The following GADD45G variants were observed in gnomAD, a reference collection of about 807,000 sequenced individuals.
The protein encoded by GADD45G is growth arrest and DNA damage-inducible protein GADD45 gamma.
A neutral mutation model predicts 17.3 loss-of-function variants in GADD45G; 7 were observed. The ratio of observed to expected loss-of-function variants is 0.41; its 90% CI spans 0.23 to 0.76. GADD45G has a LOEUF of 0.76. Among genes scored for constraint, GADD45G ranks in the 30% least tolerant of loss-of-function variants. The pLI is 0.34. For missense variants in GADD45G, 149 were observed against 219.2 expected (o/e 0.68, Z 2.02); for synonymous variants, 93 against 94.9 (o/e 0.98, Z 0.12).
chr9:89,605,080 C>A lies in GADD45G; in HGVS notation c.-42C>A, dbSNP rs372539162. The A allele has an allele frequency of 2.1e-5, 33 of 1,559,680 alleles. No homozygotes were observed. The highest frequency in any genetic ancestry group is 2.7e-5 in the Non-Finnish European group (31 of 1,133,650). ...AGTGTGTTCGCCCGCGTCCCCTCCGCGCTCTCCGCTTGTGGATAACTAGCT... is the reference window on the plus strand; with the variant it reads ...AGTGTGTTCGCCCGCGTCCCCTCCGAGCTCTCCGCTTGTGGATAACTAGCT... On this transcript the variant is annotated 5_prime_UTR_variant, in exon 1 of 4. Transcript: ENST00000252506.
At position 89,605,531 on chromosome 9, in the gene GADD45G, C is replaced by A; in HGVS notation, c.153C>A (p.Asn51Lys). 6.4e-7 allele frequency: 1 copy of A among 1,562,782 alleles called. No individual in the cohort carries two copies. Among genetic ancestry groups the A allele is most frequent in the Non-Finnish European group, 8.7e-7 (1 of 1,151,826 alleles). Reference protein sequence around the residue: ...AGVYESAKVLNVDPDNVTFCV... With the variant: ...AGVYESAKVLKVDPDNVTFCV... The stretch of plus-strand genomic sequence containing the variant: ...TCTACGAGTCAGCCAAAGTCTTGAA[C>A]GTGTAAGTGTAGACGCGGCCCAGGC... The change falls in exon 2 of 4, where the codon AAC becomes AAA. Residue 51 changes from asparagine to lysine, a missense_variant and splice_region_variant. This residue lies in a region of GADD45G where 39 missense variants were observed against 99.9 expected (regional missense o/e 0.39). Coordinates refer to ENST00000252506, the MANE Select transcript of GADD45G (RefSeq NM_006705.4).
intron 2 of GADD45G, 53 bp from the exon 3 acceptor site, chr9:89,605,614 C>T: frequency 6.4e-7 from 1 of 1,566,756 alleles, no homozygotes; most frequent in Non-Finnish European, 8.7e-7. Flanking sequence ...GGGGTGGCGG[C>T]GGGAGAACTC....
Position 89,605,066 on chromosome 9 carries a change from C to G in GADD45G, c.-56C>G. The G allele has an allele frequency of 7.0e-7, 1 of 1,423,178 alleles. No individual in the cohort carries two copies. The highest frequency in any genetic ancestry group is 9.8e-7 in the Non-Finnish European group (1 of 1,016,644). The allele number at this position is 1,423,178 out of a possible 1,614,324, so 88.2% of individuals were successfully genotyped here. A position where few individuals can be genotyped will look rare whatever the true frequency, so the allele number is the denominator to read the frequency against. ...GAGCTCTGGCTGTCAGTGTGTTCGC[C>G]CGCGTCCCCTCCGCGCTCTCCGCTT... On this transcript the variant is annotated 5_prime_UTR_variant, in exon 1 of 4. Coordinates refer to ENST00000252506, the MANE Select transcript of GADD45G (RefSeq NM_006705.4).
At position 89,605,178 on chromosome 9, in the gene GADD45G, G is replaced by A; in HGVS notation, c.53+4G>A. 1.9e-6 allele frequency: 3 copies of A among 1,613,252 alleles called. No homozygotes were observed. The highest frequency in any genetic ancestry group is 2.5e-6 in the Non-Finnish European group (3 of 1,179,288). On this transcript the variant is annotated splice_donor_region_variant and intron_variant, in intron 1 of 3. Transcript: ENST00000252506. Reference sequence around the variant, plus strand: ...CAGTTCCGGAAAGCACAGCCAGGTGGGTTTCAGGGCGCTGAGAAAGCCGCT... The same window carrying A: ...CAGTTCCGGAAAGCACAGCCAGGTGAGTTTCAGGGCGCTGAGAAAGCCGCT...
chr9:89,605,371 GGCT>G, intron 1 of GADD45G, 58 bp from the exon 2 acceptor site: 1 of 1,291,260 alleles, frequency 7.7e-7, no homozygotes, highest in African/African-American at 1.5e-5. Context: ...CGGTGGCCGG[GGCT>G]GGGGTCTCCG....
Position 89,605,039 on chromosome 9 carries a change from C to G in GADD45G, c.-83C>G, listed in dbSNP as rs1451088639. The G allele has an allele frequency of 9.0e-7, 1 of 1,112,702 alleles. No homozygotes were observed. Among genetic ancestry groups the G allele is most frequent in the African/African-American group, 1.5e-5 (1 of 64,908 alleles). The allele number at this position is 1,112,702 out of a possible 1,614,324, so 68.9% of individuals were successfully genotyped here. Reference sequence around the variant, plus strand: ...ACTCGCTGGTGGTGGGCGCGCCGTGCTGAGCTCTGGCTGTCAGTGTGTTCG... The same window carrying G: ...ACTCGCTGGTGGTGGGCGCGCCGTGGTGAGCTCTGGCTGTCAGTGTGTTCG... On this transcript the variant is annotated 5_prime_UTR_variant, in exon 1 of 4. Coordinates refer to ENST00000252506, the MANE Select transcript of GADD45G (RefSeq NM_006705.4).
chr9:89,606,233 T>G lies in GADD45G; in HGVS notation c.*154T>G, dbSNP rs1023988218. 49 of 644,154 alleles carry G rather than the reference T, an allele frequency of 7.6e-5. No individual in the cohort carries two copies. The highest frequency in any genetic ancestry group is 1.2e-4 in the Non-Finnish European group (43 of 362,524). The allele number at this position is 644,154 out of a possible 1,614,324, so 39.9% of individuals were successfully genotyped here. A position where few individuals can be genotyped will look rare whatever the true frequency, so the allele number is the denominator to read the frequency against. On this transcript the variant is annotated 3_prime_UTR_variant, in exon 4 of 4. Transcript: ENST00000252506. ...GCCTGGAGAGCGAGGAGGCGCGGCC[T>G]CCCGAGGAGGGGCCCGGTGGCGGCA...
chr9:89,606,082 G>T lies in GADD45G; in HGVS notation c.*3G>T, dbSNP rs1472436029. On this transcript the variant is annotated 3_prime_UTR_variant, in exon 4 of 4. Coordinates refer to ENST00000252506, the MANE Select transcript of GADD45G (RefSeq NM_006705.4). ...CCAGCATCACCCTCCCCGAGTGACA[G>T]CCCGGCGGGGACCTTGGTCTGATCG... is the stretch of plus-strand genomic sequence containing the variant. 4 of 1,598,478 alleles carry T rather than the reference G, an allele frequency of 2.5e-6. No individual in the cohort carries two copies. The highest frequency in any genetic ancestry group is 3.4e-6 in the Non-Finnish European group (4 of 1,169,608).
At position 89,606,015 on chromosome 9, in the gene GADD45G, G is replaced by A; in HGVS notation, c.416G>A (p.Ser139Asn). 2 of 1,613,888 alleles carry A rather than the reference G, an allele frequency of 1.2e-6. No homozygotes were observed. Among genetic ancestry groups the A allele is most frequent in the South Asian group, 2.2e-5 (2 of 91,046 alleles). ...AWKDPALEKL[S>N]LFCEESRSVN... The stretch of plus-strand genomic sequence containing the variant: ...AAGGATCCCGCCTTGGAGAAGCTCA[G>A]CCTGTTTTGCGAGGAGAGCCGCAGC... Residue 139 changes from serine to asparagine, a missense_variant, in exon 4 of 4, where the codon AGC becomes AAC. Transcript: ENST00000252506.
rs1410784057 is a variant in GADD45G, at chr9:89,606,244, G to A, written c.*165G>A. 1 of 629,452 alleles carries A rather than the reference G, an allele frequency of 1.6e-6. No homozygotes were observed. Among genetic ancestry groups the A allele is most frequent in the Non-Finnish European group, 2.8e-6 (1 of 352,996 alleles). The allele number at this position is 629,452 out of a possible 1,614,324, so 39.0% of individuals were successfully genotyped here. ...GAGGAGGCGCGGCCTCCCGAGGAGG[G>A]GCCCGGTGGCGGCAGGGCCAGGCTG... On this transcript the variant is annotated 3_prime_UTR_variant, in exon 4 of 4. Transcript: ENST00000252506.
chr9:89,605,886 T>G lies in GADD45G; in HGVS notation c.369+6T>G. On this transcript the variant is annotated splice_donor_region_variant and intron_variant, in intron 3 of 3. Transcript: ENST00000252506. ...TGCACTGCATCCTCATTTCGGTGAG[T>G]ACAGTCCCGTCCTGTCCCCGCCCCA... 6.2e-7 allele frequency: 1 copy of G among 1,603,794 alleles called. No homozygotes were observed. Among genetic ancestry groups the G allele is most frequent in the Non-Finnish European group, 8.5e-7 (1 of 1,174,598 alleles).
chr9:89,605,827 G>C lies in GADD45G; in HGVS notation c.316G>C (p.Gly106Arg). ...GDVQRLAAIVGAGEEAGAPGD... is the reference protein window; with the variant it reads ...GDVQRLAAIVRAGEEAGAPGD... Reference sequence around the variant, plus strand: ...TGTGCAGCGGCTGGCGGCTATCGTGGGCGCCGGCGAGGAGGCGGGTGCGCC... The same window carrying C: ...TGTGCAGCGGCTGGCGGCTATCGTGCGCGCCGGCGAGGAGGCGGGTGCGCC... Residue 106 changes from glycine to arginine, a missense_variant, in exon 3 of 4, where the codon GGC (glycine) becomes CGC (arginine). Physicochemically the swap from Gly to Arg is moderately radical, Grantham distance 125. Coordinates refer to ENST00000252506, the MANE Select transcript of GADD45G (RefSeq NM_006705.4). The C allele has an allele frequency of 6.2e-7, 1 of 1,613,374 alleles. No homozygotes were observed. The highest frequency in any genetic ancestry group is 8.5e-7 in the Non-Finnish European group (1 of 1,179,790).
At chr9:89,605,255 AGG>A (rs1246124954) in intron 1 of GADD45G, 81 bp downstream of exon 1, 1 of 1,352,012 alleles carries the variant, frequency 7.4e-7, no homozygotes, top group African/African-American at 1.4e-5. Context: ...GCGGGGTAGG[AGG>A]GGAGCGCGGG....
Position 89,605,450 on chromosome 9 carries a change from A to G in GADD45G, c.72A>G (p.Lys24=), listed in dbSNP as rs371625737. ...ESTARMQGAG[K]ALHELLLSAQ... ...TCCGCAGGATGCAGGGTGCCGGGAA[A>G]GCGCTGCATGAGTTGCTGCTGTCGG... The change falls in exon 2 of 4, where the codon AAA becomes AAG. Residue 24 remains lysine, a synonymous_variant. Transcript: ENST00000252506. 3.9e-4 allele frequency: 607 copies of G among 1,556,830 alleles called. No homozygotes were observed. Among genetic ancestry groups the G allele is most frequent in the South Asian group, 1.6e-3 (136 of 85,054 alleles).
chr9:89,605,957 C>G lies in GADD45G; in HGVS notation c.370-12C>G, dbSNP rs1320060475. 2 of 1,606,350 alleles carry G rather than the reference C, an allele frequency of 1.2e-6. No individual in the cohort carries two copies. The highest frequency in any genetic ancestry group is 1.7e-5 in the Admixed American group (1 of 59,084). On this transcript the variant is annotated splice_polypyrimidine_tract_variant and intron_variant, in intron 3 of 3. Coordinates refer to ENST00000252506, the MANE Select transcript of GADD45G (RefSeq NM_006705.4). ...CGCGGCCAGCCAGGCTGACCCTGCT[C>G]TCTCTCCGCAGAACCCCAACGAGGA... is the stretch of plus-strand genomic sequence containing the variant.
Position 89,606,458 on chromosome 9 carries a change from C to G in GADD45G, c.*379C>G. Reference sequence around the variant, plus strand: ...GCAGGAGCGTGAAGGACTTAGCCGACTGCGCTGCTTTTTCAAAACGGATCC... The same window carrying G: ...GCAGGAGCGTGAAGGACTTAGCCGAGTGCGCTGCTTTTTCAAAACGGATCC... On this transcript the variant is annotated 3_prime_UTR_variant, in exon 4 of 4. Transcript: ENST00000252506. 1 of 261,198 alleles carries G rather than the reference C, an allele frequency of 3.8e-6. No individual in the cohort carries two copies. Among genetic ancestry groups the G allele is most frequent in the Non-Finnish European group, 7.3e-6 (1 of 136,244 alleles). 16.2% of individuals were successfully genotyped at this position (261,198 alleles called of 1,614,324 possible). A position where few individuals can be genotyped will look rare whatever the true frequency, so the allele number is the denominator to read the frequency against.
In GADD45G at chr9:89,605,019, C is replaced by T; in HGVS notation, c.-103C>T. 1.1e-6 allele frequency: 1 copy of T among 912,252 alleles called. No homozygotes were observed. 56.5% of individuals were successfully genotyped at this position (912,252 alleles called of 1,614,324 possible). A position where few individuals can be genotyped will look rare whatever the true frequency, so the allele number is the denominator to read the frequency against. ...GCGCAGCGTAGTAGGGGCGCACTCG[C>T]TGGTGGTGGGCGCGCCGTGCTGAGC... On this transcript the variant is annotated 5_prime_UTR_variant, in exon 1 of 4. Transcript: ENST00000252506.
Position 89,605,685 on chromosome 9 carries a change from C to A in GADD45G, c.174C>A (p.Thr58=). 1 of 1,614,058 alleles carries A rather than the reference C, an allele frequency of 6.2e-7. No homozygotes were observed. Among genetic ancestry groups the A allele is most frequent in the Non-Finnish European group, 8.5e-7 (1 of 1,180,004 alleles). ...KVLNVDPDNV[T]FCVLAAGEED... is the part of the protein sequence containing the mutation. Reference sequence around the variant, plus strand: ...CTCGCAGGGACCCCGACAATGTGACCTTCTGTGTGCTGGCTGCGGGTGAGG... The same window carrying A: ...CTCGCAGGGACCCCGACAATGTGACATTCTGTGTGCTGGCTGCGGGTGAGG... The change falls in exon 3 of 4, where the codon ACC becomes ACA. Residue 58 remains threonine (T), a synonymous_variant. Coordinates refer to ENST00000252506, the MANE Select transcript of GADD45G (RefSeq NM_006705.4).
At chr9:89,605,613 G>A (rs1827511187) in intron 2 of GADD45G, 54 bp from the exon 3 acceptor site, 1 of 1,571,186 alleles carries the variant, frequency 6.4e-7, no homozygotes, top group Non-Finnish European at 8.7e-7. Context: ...AGGGGTGGCG[G>A]CGGGAGAACT....
Sources: gnomAD v4.1 joint callset for allele counts on GRCh38, gnomAD v4.1.1 for gene constraint, gnomAD v4.1.1 regional missense constraint, MANE v1.5 for transcripts, NCBI Gene and HGNC (gene_info 2026-07-23, HGNC 2026-07-21) for gene names.